ISX: variants seen among roughly 807,000 people sequenced by gnomAD.
ISX encodes the protein intestine-specific homeobox.
A neutral mutation model predicts 16.9 loss-of-function variants in ISX; 15 were observed. That is an observed-to-expected ratio of 0.89 (90% CI 0.59 to 1.36). The LOEUF (loss-of-function observed/expected upper bound fraction) is 1.36. Ranked by LOEUF, ISX falls within the 40% of genes most tolerant of loss-of-function variation. The probability of loss-of-function intolerance (pLI) is 0.00; values close to 1 mark genes in which losing one functional copy is unlikely to be tolerated. For synonymous variants in ISX, 125 were observed against 119.7 expected (o/e 1.04, Z -0.29); for missense variants, 316 against 306.1 (o/e 1.03, Z -0.24).
At chr22:35,082,759 C>A in intron 3 of ISX, 90 bp downstream of exon 3, 1 of 1,383,464 alleles carries the variant, frequency 7.2e-7, no homozygotes. Flanking sequence ...CGGGTTGCCC[C>A]ATCTAAAAGT....
intron 2 of ISX, among the ~76,000 whole-genome samples, chr22:35,082,079 C>G (rs569093479): frequency 6.6e-6 from 1 of 152,352 alleles, no homozygotes; most frequent in East Asian, 1.9e-4. Flanking sequence ...GCCACACAGT[C>G]TCTGTTGCAA....
intron 3 of ISX, among the ~76,000 whole-genome samples, chr22:35,083,135 C>T (rs1187729552): frequency 2.0e-5 from 3 of 152,232 alleles, no homozygotes; most frequent in African/African-American, 7.2e-5. Context: ...TGTAAACACA[C>T]TTTATTTATG....
intron 3 of ISX, 140 bp downstream of exon 3, chr22:35,082,809 A>C: frequency 1.2e-6 from 1 of 818,862 alleles, no homozygotes; most frequent in South Asian, 1.8e-5. Flanking sequence ...CATTTTGGCC[A>C]AATATTATTT....
At chr22:35,069,845 T>A (rs1928803319) in intron 2 of ISX, among the ~76,000 whole-genome samples, 1 of 152,136 alleles carries the variant, frequency 6.6e-6, no homozygotes, top group Non-Finnish European at 1.5e-5. Context: ...TGTCTCCACT[T>A]AACATTTAAA....
chr22:35,080,517 C>T (rs1929100177), intron 2 of ISX, among the ~76,000 whole-genome samples: 1 of 152,160 alleles, frequency 6.6e-6, no homozygotes, highest in African/African-American at 2.4e-5. Context: ...AAAGATAATC[C>T]ATCAATCTCA....
At position 35,067,075 on chromosome 22, in the gene ISX, C is replaced by A. The variant is rs758934453; in HGVS notation, c.-13C>A. ...CCTCCTTGGCCTACACAGAGTCACC[C>A]CTGAGCCCCTCAATGTGTGCTGAGG... On this transcript the variant is annotated 5_prime_UTR_variant, in exon 2 of 5. Coordinates refer to ENST00000404699, the MANE Select transcript of ISX (RefSeq NM_001303508.2). 3.1e-5 allele frequency: 49 copies of A among 1,605,834 alleles called. No homozygotes were observed. In the Admixed American group the frequency reaches 4.0e-4, roughly 13 times the overall value.
intron 2 of ISX, among the ~76,000 whole-genome samples, chr22:35,081,661 T>C (rs1246285959): frequency 6.6e-6 from 1 of 152,018 alleles, no homozygotes; most frequent in Non-Finnish European, 1.5e-5. Context: ...AAGCACTGAG[T>C]TGCAGAGTGG....
chr22:35,080,644 C>A (rs1227405184), intron 2 of ISX, among the ~76,000 whole-genome samples: 1 of 152,206 alleles, frequency 6.6e-6, no homozygotes, highest in African/African-American at 2.4e-5. Flanking sequence ...CTAATCACAT[C>A]CACCACCACT....
chr22:35,076,424 G>A (rs887616153), intron 2 of ISX, among the ~76,000 whole-genome samples: 3 of 152,220 alleles, frequency 2.0e-5, no homozygotes, highest in African/African-American at 7.2e-5. Flanking sequence ...GTGGGCACAG[G>A]GAGCCAAAGA....
At position 35,071,063 on chromosome 22, in the gene ISX, T is replaced by G. The variant is rs908261665; in HGVS notation, c.229+3747T>G. The stretch of plus-strand genomic sequence containing the variant: ...CAAGGACATGACCCTGACACATTAG[T>G]GTGGCACTCAAAGTCCTTCCCAGAC... On this transcript the variant is annotated intron_variant, in intron 2 of 4. Coordinates refer to ENST00000404699, the MANE Select transcript of ISX (RefSeq NM_001303508.2). Among the ~76,000 whole-genome samples the G allele has an allele frequency of 2.0e-5, 3 of 152,242 alleles. No individual in the cohort carries two copies. In the East Asian group the frequency reaches 5.8e-4, roughly 29 times the overall value.
intron 2 of ISX, among the ~76,000 whole-genome samples, chr22:35,075,024 C>A (rs1215884610): frequency 1.3e-5 from 2 of 152,234 alleles, no homozygotes; most frequent in Non-Finnish European, 2.9e-5. Context: ...TTTAATCTCA[C>A]CAGACCTAAA....
intron 2 of ISX, among the ~76,000 whole-genome samples, chr22:35,079,458 G>C (rs1031750471): frequency 6.6e-6 from 1 of 152,066 alleles, no homozygotes. Flanking sequence ...AAGCTCTCTC[G>C]GGGAGCCAGT....
At chr22:35,067,342 C>T (rs1388466078) in intron 2 of ISX, 26 bp downstream of exon 2, 1 of 1,501,498 alleles carries the variant, frequency 6.7e-7, no homozygotes, top group African/African-American at 1.4e-5. Context: ...TCATTTCTTT[C>T]TGTTTCCTGG....
intron 2 of ISX, among the ~76,000 whole-genome samples, chr22:35,079,896 G>C (rs985866579): frequency 1.3e-5 from 2 of 152,162 alleles, no homozygotes; most frequent in African/African-American, 2.4e-5. Flanking sequence ...CTGCCACCGG[G>C]TTTGGTCCTT....
chr22:35,075,100 A>G (rs1381528049), intron 2 of ISX, among the ~76,000 whole-genome samples: 4 of 152,236 alleles, frequency 2.6e-5, no homozygotes, highest in Non-Finnish European at 5.9e-5. Flanking sequence ...AGTGCTTTAG[A>G]ACACAGAAGA....
At chr22:35,067,429 C>T in intron 2 of ISX, 113 bp downstream of exon 2, 1 of 717,132 alleles carries the variant, frequency 1.4e-6, no homozygotes, top group African/African-American at 1.8e-5. Context: ...CTCTAAAATT[C>T]AGAGCAAGAC....
chr22:35,079,898 T>C (rs1472143330), intron 2 of ISX, among the ~76,000 whole-genome samples: 1 of 152,212 alleles, frequency 6.6e-6, no homozygotes, highest in Admixed American at 6.5e-5. Context: ...GCCACCGGGT[T>C]TGGTCCTTCC....
intron 2 of ISX, among the ~76,000 whole-genome samples, chr22:35,082,050 A>T (rs1375236298): frequency 3.3e-5 from 5 of 152,248 alleles, no homozygotes; most frequent in African/African-American, 4.8e-5. Flanking sequence ...CCAGCTGGTA[A>T]TTACTTTAGT....
At chr22:35,076,273 G>T (rs118137268) in intron 2 of ISX, among the ~76,000 whole-genome samples, 4,010 of 152,274 alleles carry the variant, frequency 0.026, 67 homozygotes, top group Non-Finnish European at 0.037. Flanking sequence ...AAATAAAAGT[G>T]CATAGCCGAT....
Sources: allele counts gnomAD v4.1 joint callset (sites outside exome capture counted in the v4.1 genomes callset), GRCh38; gene constraint gnomAD v4.1.1; transcripts MANE v1.5; gene names NCBI Gene and HGNC (gene_info 2026-07-23, HGNC 2026-07-21).